Variants in TMEM132B observed in about 807,000 individuals in gnomAD.
TMEM132B encodes the protein transmembrane protein 132B.
A neutral mutation model predicts 90.8 loss-of-function variants in TMEM132B; 18 were observed. That is an observed-to-expected ratio of 0.20 (90% CI 0.14 to 0.29). The LOEUF (loss-of-function observed/expected upper bound fraction) is 0.29. Ranked by LOEUF, TMEM132B falls within the 10% of genes least tolerant of loss-of-function variation. TMEM132B has a pLI of 1.00. For synonymous variants in TMEM132B, 504 were observed against 523.3 expected, an observed-to-expected ratio of 0.96 and a Z score of 0.50; for missense variants, 1,096 against 1,326.8, an observed-to-expected ratio of 0.83 and a Z score of 2.70.
At chr12:125,262,938 C>T (rs1874601475) in intron 1 of TMEM132B, among the ~76,000 whole-genome samples, 1 of 152,160 alleles carries the variant, frequency 6.6e-6, no homozygotes, top group Non-Finnish European at 1.5e-5. Context: ...GCCTGGTGCC[C>T]CCAGATGCAA....
chr12:125,563,436 G>A (rs1884587227), intron 4 of TMEM132B, among the ~76,000 whole-genome samples: 1 of 152,010 alleles, frequency 6.6e-6, no homozygotes, highest in Non-Finnish European at 1.5e-5. Context: ...GTGAAACCCT[G>A]TCTCTACTAA....
chr12:125,313,435 C>T (rs1396221900), intron 1 of TMEM132B, among the ~76,000 whole-genome samples: 1 of 151,318 alleles, frequency 6.6e-6, no homozygotes, highest in Non-Finnish European at 1.5e-5. Flanking sequence ...CTCCTCTCCT[C>T]TTCTTCCCTT....
chr12:125,390,376 G>A (rs994676399), intron 2 of TMEM132B, among the ~76,000 whole-genome samples: 7 of 152,210 alleles, frequency 4.6e-5, no homozygotes, highest in African/African-American at 1.7e-4. Flanking sequence ...TTCCTTTTCT[G>A]TGAAATTCAA....
intron 1 of TMEM132B, among the ~76,000 whole-genome samples, chr12:125,198,763 G>A (rs1163960521): frequency 2.6e-5 from 4 of 152,192 alleles, no homozygotes; most frequent in South Asian, 2.1e-4. Context: ...GGTGAGAACC[G>A]GCAGGTCTGG....
chr12:125,283,328 TACTA>T (rs1166505612), intron 1 of TMEM132B, among the ~76,000 whole-genome samples: 1 of 152,212 alleles, frequency 6.6e-6, no homozygotes, highest in East Asian at 1.9e-4. Context: ...TAGTCAAAAT[TACTA>T]TTTATTTAAA....
At chr12:125,211,696 T>A (rs772524865) in intron 1 of TMEM132B, among the ~76,000 whole-genome samples, 1 of 152,216 alleles carries the variant, frequency 6.6e-6, no homozygotes, top group Admixed American at 6.5e-5. Flanking sequence ...ACGGTTCACC[T>A]CCTTAGCACT....
At chr12:125,635,306 C>G (rs1043579191) in intron 5 of TMEM132B, among the ~76,000 whole-genome samples, 1 of 152,140 alleles carries the variant, frequency 6.6e-6, no homozygotes, top group African/African-American at 2.4e-5. Context: ...CCCCCACCCC[C>G]AACAGGCCCA....
intron 1 of TMEM132B, among the ~76,000 whole-genome samples, chr12:125,242,450 A>C (rs1319998715): frequency 1.3e-5 from 2 of 152,214 alleles, no homozygotes; most frequent in African/African-American, 4.8e-5. Flanking sequence ...ACTGAGGCCC[A>C]GAGAGGTTGA....
intron 2 of TMEM132B, among the ~76,000 whole-genome samples, chr12:125,383,048 GCAAA>G (rs889730916): frequency 1.4e-4 from 22 of 152,192 alleles, no homozygotes; most frequent in African/African-American, 5.1e-4. Flanking sequence ...GAGCTGTTGA[GCAAA>G]CCCAACCTGG....
At chr12:125,591,953 C>T (rs777745735) in intron 5 of TMEM132B, among the ~76,000 whole-genome samples, 2 of 152,136 alleles carry the variant, frequency 1.3e-5, no homozygotes, top group Non-Finnish European at 2.9e-5. Flanking sequence ...CTGGGGGTTT[C>T]GACTTGGCCA....
At chr12:125,628,456 G>A (rs2136988291) in intron 5 of TMEM132B, among the ~76,000 whole-genome samples, 1 of 152,186 alleles carries the variant, frequency 6.6e-6, no homozygotes, top group Admixed American at 6.5e-5. Flanking sequence ...TTTGATAAAT[G>A]GCTATTCAAA....
chr12:125,332,502 C>T (rs1876808796), intron 1 of TMEM132B, among the ~76,000 whole-genome samples: 1 of 151,874 alleles, frequency 6.6e-6, no homozygotes, highest in Non-Finnish European at 1.5e-5. Context: ...TGCCCTCCAC[C>T]CACTGCATTT....
intron 1 of TMEM132B, among the ~76,000 whole-genome samples, chr12:125,190,120 G>A (rs918001448): frequency 3.9e-5 from 6 of 152,068 alleles, no homozygotes; most frequent in African/African-American, 1.2e-4. Context: ...AAGGAGACTT[G>A]GGCACAGGGA....
chr12:125,628,633 G>A (rs563275790), intron 5 of TMEM132B, among the ~76,000 whole-genome samples: 8 of 152,140 alleles, frequency 5.3e-5, no homozygotes, highest in Middle Eastern at 3.4e-3. Context: ...CCTTTGACAC[G>A]CAGAAGCCTC....
At chr12:125,587,618 T>A (rs1185535682) in intron 5 of TMEM132B, 1 of 152,196 alleles carries the variant, frequency 6.6e-6, no homozygotes, top group Non-Finnish European at 1.5e-5. Flanking sequence ...TCCAGCTCAC[T>A]GTAGTCTCCA....
intron 1 of TMEM132B, among the ~76,000 whole-genome samples, chr12:125,295,464 G>A (rs34689204): frequency 0.14 from 20,624 of 151,772 alleles, 1,574 homozygotes; most frequent in African/African-American, 0.2. Context: ...TGGGAAGTGT[G>A]GGTCACATAG....
intron 2 of TMEM132B, among the ~76,000 whole-genome samples, chr12:125,364,330 CAAAGTT>C (rs538809384): frequency 9.2e-4 from 140 of 152,164 alleles, no homozygotes; most frequent in African/African-American, 3.3e-3. Context: ...TTAAACATGA[CAAAGTT>C]AAAAGAAATG....
intron 4 of TMEM132B, among the ~76,000 whole-genome samples, chr12:125,536,555 C>G (rs571912661): frequency 6.6e-6 from 1 of 152,342 alleles, no homozygotes; most frequent in South Asian, 2.1e-4. Context: ...ACCTCACACA[C>G]TGGTTGTGAG....
At chr12:125,255,268 T>C (rs1312936538) in intron 1 of TMEM132B, among the ~76,000 whole-genome samples, 1 of 151,902 alleles carries the variant, frequency 6.6e-6, no homozygotes, top group South Asian at 2.1e-4. Context: ...CCTCTCTCTC[T>C]CTTTCTCTTT....
Sources: gnomAD v4.1 joint callset for allele counts (sites outside exome capture counted in the v4.1 genomes callset) on GRCh38, gnomAD v4.1.1 for gene constraint, MANE v1.5 for transcripts, NCBI Gene and HGNC (gene_info 2026-07-23, HGNC 2026-07-21) for gene names.